Variants in TPP2 observed in about 807,000 individuals in gnomAD.
TPP2 encodes tripeptidyl peptidase 2, also known as tripeptidyl-peptidase 2.
A neutral mutation model predicts 155.9 loss-of-function variants in TPP2; 34 were observed. The ratio of observed to expected loss-of-function variants is 0.22; its 90% CI spans 0.17 to 0.29. The LOEUF (loss-of-function observed/expected upper bound fraction) is 0.29. Among genes scored for constraint, TPP2 ranks in the 10% least tolerant of loss-of-function variants. The pLI is 1.00. For synonymous variants in TPP2, 510 were observed against 529.4 expected (o/e 0.96, Z 0.50); for missense variants, 1,028 against 1,522.3 (o/e 0.68, Z 5.40).
chr13:102,677,516 A>T (rs1885354245), intron 29 of TPP2, among the ~76,000 whole-genome samples: 1 of 152,158 alleles, frequency 6.6e-6, no homozygotes, highest in South Asian at 2.1e-4. Flanking sequence ...GACTTATTTC[A>T]TATCACACTT....
chr13:102,624,397 A>G (rs779605833), intron 6 of TPP2, among the ~76,000 whole-genome samples: 1 of 152,150 alleles, frequency 6.6e-6, no homozygotes, highest in East Asian at 1.9e-4. Context: ...ATACATATAC[A>G]TAATTTGATA....
At chr13:102,633,151 ATTCC>A (rs1882132743) in intron 10 of TPP2, among the ~76,000 whole-genome samples, 1 of 152,192 alleles carries the variant, frequency 6.6e-6, no homozygotes, top group Non-Finnish European at 1.5e-5. Context: ...ATTCTGTGCC[ATTCC>A]TTCTTTACTT....
intron 10 of TPP2, among the ~76,000 whole-genome samples, chr13:102,632,958 C>A (rs752648763): frequency 1.3e-5 from 2 of 152,062 alleles, no homozygotes; most frequent in African/African-American, 4.8e-5. Flanking sequence ...TGCTGTCAGC[C>A]CATTTCAAGA....
chr13:102,632,487 G>A (rs936520114), intron 10 of TPP2, among the ~76,000 whole-genome samples: 3 of 152,110 alleles, frequency 2.0e-5, no homozygotes, highest in South Asian at 2.1e-4. Flanking sequence ...TGATCTGCCC[G>A]CCTCGGCCTC....
At chr13:102,630,280 G>A (rs909671538) in intron 10 of TPP2, 85 bp downstream of exon 10, 29 of 1,007,658 alleles carry the variant, frequency 2.9e-5, no homozygotes, top group East Asian at 7.9e-5. Context: ...AGATAAGTTT[G>A]CTAGTTTTTT....
At chr13:102,617,966 A>G (rs1023755384) in intron 4 of TPP2, among the ~76,000 whole-genome samples, 2 of 152,232 alleles carry the variant, frequency 1.3e-5, no homozygotes, top group Admixed American at 1.3e-4. Flanking sequence ...AACATAGTCT[A>G]GAGATATTCG....
intron 27 of TPP2, among the ~76,000 whole-genome samples, chr13:102,672,882 G>T (rs1400904222): frequency 6.6e-6 from 1 of 152,208 alleles, no homozygotes; most frequent in African/African-American, 2.4e-5. Context: ...AAAAGGCAGT[G>T]AAAGTTGGTT....
At chr13:102,672,601 AC>A (rs796696375) in intron 27 of TPP2, among the ~76,000 whole-genome samples, 31 of 152,248 alleles carry the variant, frequency 2.0e-4, no homozygotes, top group African/African-American at 7.2e-4. Context: ...TGCCTTGTCA[AC>A]CCATTGCTGT....
chr13:102,606,561 T>C (rs1283274921), intron 2 of TPP2, among the ~76,000 whole-genome samples: 1 of 152,212 alleles, frequency 6.6e-6, no homozygotes, highest in Non-Finnish European at 1.5e-5. Context: ...TAAGAGAATC[T>C]CTGACCTTGG....
At chr13:102,615,515 G>A (rs2139441758) in intron 3 of TPP2, among the ~76,000 whole-genome samples, 1 of 152,350 alleles carries the variant, frequency 6.6e-6, no homozygotes, top group Middle Eastern at 3.4e-3. Context: ...TGCAAATATA[G>A]TGTTGTTGAA....
At position 102,635,687 on chromosome 13, in the gene TPP2, A is replaced by C; in HGVS notation, c.1494A>C (p.Gly498=). 1 of 1,612,560 alleles carries C rather than the reference A, an allele frequency of 6.2e-7. No individual in the cohort carries two copies. Among genetic ancestry groups the C allele is most frequent in the Non-Finnish European group, 8.5e-7 (1 of 1,179,300 alleles). Residue 498 remains glycine (G), a synonymous_variant, in exon 12 of 30, where the codon GGA becomes GGC. Transcript: ENST00000376052. The stretch of plus-strand genomic sequence containing the variant: ...ACAATATAGAAGTATTTGCTCAAGG[A>C]CATGGTATTATTCAGGTATTGTTGC... ...KADNIEVFAQ[G]HGIIQVDKAY...
intron 2 of TPP2, among the ~76,000 whole-genome samples, chr13:102,606,048 T>C (rs1306387545): frequency 6.6e-6 from 1 of 152,188 alleles, no homozygotes; most frequent in African/African-American, 2.4e-5. Context: ...TTCTATGTCC[T>C]TGGTAGAAAG....
chr13:102,610,482 G>C (rs1310247370), intron 2 of TPP2, among the ~76,000 whole-genome samples: 1 of 152,046 alleles, frequency 6.6e-6, no homozygotes, highest in African/African-American at 2.4e-5. Flanking sequence ...CACCCACTTC[G>C]GCCTCCCAGA....
At chr13:102,640,902 G>A (rs745787246) in intron 16 of TPP2, among the ~76,000 whole-genome samples, 6 of 152,054 alleles carry the variant, frequency 3.9e-5, no homozygotes, top group South Asian at 4.1e-4. Context: ...CACTCGCCTC[G>A]TCCTCCCAAA....
Position 102,604,818 on chromosome 13 carries a change from T to G in TPP2, c.191T>G (p.Ile64Ser). The G allele has an allele frequency of 1.2e-6, 2 of 1,611,768 alleles. No homozygotes were observed. The highest frequency in any genetic ancestry group is 1.7e-6 in the Non-Finnish European group (2 of 1,179,492). Reference protein sequence around the residue: ...MQVTTDGKPKIVDIIDTTGSG... With the variant: ...MQVTTDGKPKSVDIIDTTGSG... ...GTTACAACTGATGGAAAACCAAAAA[T>G]CGTTGATATCATTGATACAACAGGA... Residue 64 changes from isoleucine to serine, a missense_variant, in exon 2 of 30, where the codon ATC becomes AGC. Around this residue, in one of 7 missense-constraint regions of TPP2, gnomAD observed 300 missense variants for 398.3 expected, o/e 0.75. Coordinates refer to ENST00000376052, the MANE Select transcript of TPP2 (RefSeq NM_001330588.2).
chr13:102,626,044 T>G (rs553954523), intron 6 of TPP2, among the ~76,000 whole-genome samples: 1 of 152,362 alleles, frequency 6.6e-6, no homozygotes, highest in Non-Finnish European at 1.5e-5. Flanking sequence ...AGTGGACACT[T>G]CTTTGTAACT....
chr13:102,606,706 C>G (rs1294103354), intron 2 of TPP2, among the ~76,000 whole-genome samples: 1 of 152,164 alleles, frequency 6.6e-6, no homozygotes, highest in African/African-American at 2.4e-5. Flanking sequence ...TACCATAACG[C>G]AATCATGGGA....
chr13:102,616,147 G>A (rs919792964), intron 3 of TPP2, among the ~76,000 whole-genome samples: 12 of 152,076 alleles, frequency 7.9e-5, no homozygotes, highest in African/African-American at 2.7e-4. Context: ...AGTAGAGACG[G>A]GGTTTCACCT....
At chr13:102,607,761 G>T (rs147907571) in intron 2 of TPP2, 9 of 366,700 alleles carry the variant, frequency 2.5e-5, no homozygotes, top group Admixed American at 9.2e-5. Context: ...TAATTTTTTT[G>T]TGTGTTTTTA....
Sources: allele counts gnomAD v4.1 joint callset (sites outside exome capture counted in the v4.1 genomes callset), GRCh38; gene constraint gnomAD v4.1.1; regional missense constraint gnomAD v4.1.1; transcripts MANE v1.5; gene names NCBI Gene and HGNC (gene_info 2026-07-23, HGNC 2026-07-21).